The following GPHN variants were observed in gnomAD, a reference collection of about 807,000 sequenced individuals.
GPHN encodes the protein gephyrin.
In GPHN, 17 loss-of-function variants were observed where a neutral mutation model predicts 95.5. That is an observed-to-expected ratio of 0.18 (90% confidence interval 0.12 to 0.27). GPHN has a LOEUF of 0.27. Among genes scored for constraint, GPHN ranks in the 10% least tolerant of loss-of-function variants. The probability of loss-of-function intolerance (pLI) is 1.00; values close to 1 mark genes in which losing one functional copy is unlikely to be tolerated. For missense variants in GPHN, 660 were observed against 978.1 expected (o/e 0.67, Z 4.34); for synonymous variants, 320 against 322.5 (o/e 0.99, Z 0.08).
intron 1 of GPHN, among the ~76,000 whole-genome samples, chr14:66,590,384 A>G (rs1358124594): frequency 6.6e-6 from 1 of 152,178 alleles, no homozygotes; most frequent in Non-Finnish European, 1.5e-5. Context: ...CTTTTTTGAA[A>G]AGATTAACAA....
chr14:66,611,656 C>T (rs573102240), intron 1 of GPHN, among the ~76,000 whole-genome samples: 40 of 152,208 alleles, frequency 2.6e-4, no homozygotes, highest in Non-Finnish European at 4.1e-4. Context: ...GGTTAGTTTT[C>T]TCAGCATTAT....
intron 8 of GPHN, among the ~76,000 whole-genome samples, chr14:66,929,270 T>G (rs1344178180): frequency 6.6e-6 from 1 of 151,910 alleles, no homozygotes; most frequent in Non-Finnish European, 1.5e-5. Context: ...GCCAGGCTGA[T>G]CTCGAACTCC....
At chr14:66,850,225 C>T (rs2062523015) in intron 4 of GPHN, among the ~76,000 whole-genome samples, 1 of 152,086 alleles carries the variant, frequency 6.6e-6, no homozygotes, top group Non-Finnish European at 1.5e-5. Context: ...CTACTATTAG[C>T]AGTCATTTTA....
At chr14:66,942,279 T>C (rs1393516460) in intron 8 of GPHN, among the ~76,000 whole-genome samples, 1 of 152,278 alleles carries the variant, frequency 6.6e-6, no homozygotes, top group Non-Finnish European at 1.5e-5. Context: ...CCCAAAGTGC[T>C]GGGATTACAG....
chr14:67,005,898 A>G (rs2072573593), intron 9 of GPHN, among the ~76,000 whole-genome samples: 4 of 151,552 alleles, frequency 2.6e-5, no homozygotes. Context: ...CTAATATTAT[A>G]TATATATTAT....
At chr14:66,625,208 A>G (rs557908532) in intron 1 of GPHN, among the ~76,000 whole-genome samples, 3 of 152,042 alleles carry the variant, frequency 2.0e-5, no homozygotes, top group African/African-American at 7.2e-5. Context: ...CCTCCCATGT[A>G]ACTGGAACTA....
chr14:67,110,227 G>C lies in GPHN; in HGVS notation c.1381G>C (p.Glu461Gln). Residue 461 changes from glutamate (E) to glutamine (Q), a missense_variant, in exon 14 of 23, where the codon GAA (glutamate) becomes CAA (glutamine). By Grantham distance (29) the Glu-to-Gln change is conservative. This residue lies in a region of GPHN where 257 missense variants were observed against 376.2 expected (regional missense o/e 0.68). Transcript: ENST00000478722. ...PCGADAVVQVEDTELIRESDD... is the reference protein window; with the variant it reads ...PCGADAVVQVQDTELIRESDD... ...CGGTGCTGATGCAGTAGTACAAGTG[G>C]AAGATACCGAACTTATCAGGGAATC... 6.2e-7 allele frequency: 1 copy of C among 1,613,622 alleles called. No homozygotes were observed. Among genetic ancestry groups the C allele is most frequent in the Non-Finnish European group, 8.5e-7 (1 of 1,179,566 alleles).
intron 2 of GPHN, among the ~76,000 whole-genome samples, chr14:66,711,246 T>G (rs973827959): frequency 6.6e-6 from 1 of 152,190 alleles, no homozygotes; most frequent in African/African-American, 2.4e-5. Flanking sequence ...TATGCCTTTG[T>G]GTCCTCATAG....
At chr14:66,652,017 C>T (rs2065067624) in intron 1 of GPHN, among the ~76,000 whole-genome samples, 3 of 152,058 alleles carry the variant, frequency 2.0e-5, no homozygotes, top group African/African-American at 7.2e-5. Context: ...TTCACGGAAA[C>T]ATTGTCTTCC....
chr14:67,564,755 C>T, the GPHN span, among the ~76,000 whole-genome samples: 1 of 149,990 alleles, frequency 6.7e-6, no homozygotes, highest in South Asian at 2.1e-4. Context: ...ATGGTGCAAT[C>T]ATGGCTCACT....
intron 8 of GPHN, among the ~76,000 whole-genome samples, chr14:66,947,359 T>C (rs961001268): frequency 2.0e-5 from 3 of 152,196 alleles, no homozygotes; most frequent in African/African-American, 7.2e-5. Flanking sequence ...CATTGCACCT[T>C]GTTATTTTCC....
the GPHN span, among the ~76,000 whole-genome samples, chr14:67,466,268 CTG>C: frequency 1.3e-5 from 2 of 152,260 alleles, no homozygotes; most frequent in African/African-American, 4.8e-5. Flanking sequence ...ATCTCCTTCT[CTG>C]TAATGTTTGG....
At chr14:67,505,202 G>A in the GPHN span, among the ~76,000 whole-genome samples, 1 of 152,018 alleles carries the variant, frequency 6.6e-6, no homozygotes, top group Admixed American at 6.6e-5. Context: ...GGGTATAGAG[G>A]GTCAGAATGG....
chr14:67,695,391 A>C, the GPHN span, among the ~76,000 whole-genome samples: 1 of 152,060 alleles, frequency 6.6e-6, no homozygotes, highest in Non-Finnish European at 1.5e-5. Context: ...ACAAAAGAAA[A>C]ACAGGCCAGG....
the GPHN span, among the ~76,000 whole-genome samples, chr14:67,557,759 T>C: frequency 6.6e-6 from 1 of 152,234 alleles, no homozygotes; most frequent in Admixed American, 6.5e-5. Context: ...AAACACCTCA[T>C]AGAGCTGCTG....
the GPHN span, among the ~76,000 whole-genome samples, chr14:67,696,785 C>G: frequency 2.0e-5 from 3 of 152,254 alleles, no homozygotes; most frequent in African/African-American, 7.2e-5. Flanking sequence ...TTTAACCAAT[C>G]AATATCTGTC....
chr14:67,439,410 G>A, the GPHN span, among the ~76,000 whole-genome samples: 2 of 152,186 alleles, frequency 1.3e-5, no homozygotes, highest in African/African-American at 4.8e-5. Context: ...GGGAAGAATG[G>A]ATAAGCACTG....
the GPHN span, among the ~76,000 whole-genome samples, chr14:67,480,211 A>C: frequency 1.3e-5 from 2 of 152,234 alleles, no homozygotes; most frequent in East Asian, 3.9e-4. Flanking sequence ...TACCCGATGC[A>C]GGGTCACTGT....
At chr14:66,644,108 A>G (rs1046905760) in intron 1 of GPHN, among the ~76,000 whole-genome samples, 6 of 151,942 alleles carry the variant, frequency 3.9e-5, no homozygotes, top group Non-Finnish European at 8.8e-5. Flanking sequence ...TTCTAAAGCT[A>G]CCTGTCCTTT....
Sources: allele counts gnomAD v4.1 joint callset (sites outside exome capture counted in the v4.1 genomes callset), GRCh38; gene constraint gnomAD v4.1.1; regional missense constraint gnomAD v4.1.1; transcripts MANE v1.5; gene names NCBI Gene and HGNC (gene_info 2026-07-23, HGNC 2026-07-21).